Variants in DPYD observed in about 807,000 individuals in gnomAD.
The protein encoded by DPYD is dihydropyrimidine dehydrogenase [NADP(+)].
A neutral mutation model predicts 116.2 loss-of-function variants in DPYD; 109 were observed. The observed-to-expected ratio is 0.94, with a 90% CI of 0.80 to 1.10. The LOEUF (loss-of-function observed/expected upper bound fraction) is 1.10, where lower values mean the gene tolerates loss of function less well. Ranked by LOEUF, DPYD falls within the 50% of genes least tolerant of loss-of-function variation. DPYD has a pLI of 0.00. For missense variants in DPYD, 1,302 were observed against 1,254.5 expected (o/e 1.04, Z -0.57); for synonymous variants, 440 against 432.0 (o/e 1.02, Z -0.23).
intron 18 of DPYD, among the ~76,000 whole-genome samples, chr1:97,264,452 T>C (rs1377506079): frequency 1.3e-5 from 2 of 151,870 alleles, no homozygotes; most frequent in Admixed American, 6.6e-5. Context: ...TCCCAAAGTG[T>C]TGGAATTACA....
At chr1:97,477,803 G>A (rs1678068731) in intron 13 of DPYD, among the ~76,000 whole-genome samples, 1 of 151,638 alleles carries the variant, frequency 6.6e-6, no homozygotes, top group African/African-American at 2.4e-5. Flanking sequence ...TGTATTTTTA[G>A]TAGAGACGGG....
chr1:97,751,320 A>G (rs1000746776), intron 3 of DPYD, among the ~76,000 whole-genome samples: 2 of 148,424 alleles, frequency 1.3e-5, no homozygotes, highest in African/African-American at 2.5e-5. Flanking sequence ...ACATATATAC[A>G]TATATACACA....
At chr1:97,420,705 G>C (rs1412075520) in intron 14 of DPYD, among the ~76,000 whole-genome samples, 1 of 152,118 alleles carries the variant, frequency 6.6e-6, no homozygotes, top group Non-Finnish European at 1.5e-5. Flanking sequence ...AGGCAGTACA[G>C]AGCCATTTGT....
intron 8 of DPYD, among the ~76,000 whole-genome samples, chr1:97,657,764 A>G (rs894530191): frequency 2.6e-5 from 4 of 152,220 alleles, no homozygotes; most frequent in Non-Finnish European, 5.9e-5. Flanking sequence ...TTCAACATCA[A>G]TAACGTGTTC....
intron 21 of DPYD, among the ~76,000 whole-genome samples, chr1:97,096,243 T>C (rs987169114): frequency 2.0e-5 from 3 of 152,190 alleles, no homozygotes; most frequent in Non-Finnish European, 4.4e-5. Flanking sequence ...CACAGATTTT[T>C]TGTTTGCTCT....
At chr1:97,657,112 T>C (rs560285400) in intron 8 of DPYD, among the ~76,000 whole-genome samples, 1 of 151,880 alleles carries the variant, frequency 6.6e-6, no homozygotes, top group South Asian at 2.1e-4. Context: ...GGATTACAGG[T>C]GCAAGCCACT....
At position 97,624,257 on chromosome 1, in the gene DPYD, A is replaced by C. The variant is rs976702054; in HGVS notation, c.851-29091T>G. On this transcript the variant is annotated intron_variant, in intron 8 of 22. Coordinates refer to ENST00000370192, the MANE Select transcript of DPYD (RefSeq NM_000110.4). The stretch of plus-strand genomic sequence containing the variant: ...TAAGGAGTTAATATCCAAAATACTT[A>C]AGAAACTAAACTCAACAGCAGTAAA... 7.2e-5 allele frequency among the ~76,000 whole-genome samples: 11 copies of C among 152,086 alleles called. No individual in the cohort carries two copies. In the East Asian group the frequency reaches 1.9e-3, roughly 27 times the overall value.
chr1:97,542,307 T>A (rs1352174356), intron 12 of DPYD, among the ~76,000 whole-genome samples: 2 of 152,134 alleles, frequency 1.3e-5, no homozygotes, highest in Non-Finnish European at 2.9e-5. Flanking sequence ...AGAGAACATC[T>A]TTATGAAAAT....
At chr1:97,581,224 T>G (rs1252867215) in intron 10 of DPYD, among the ~76,000 whole-genome samples, 4 of 147,140 alleles carry the variant, frequency 2.7e-5, no homozygotes, top group Admixed American at 6.9e-5. Context: ...CTACTCAGGA[T>G]GCTGAGGCAG....
intron 3 of DPYD, among the ~76,000 whole-genome samples, chr1:97,793,774 C>T (rs1667432209): frequency 6.6e-6 from 1 of 152,070 alleles, no homozygotes; most frequent in Admixed American, 6.5e-5. Context: ...TAGAGGAAAA[C>T]ATGGCAGAAA....
chr1:97,301,012 C>T (rs1045386795), intron 18 of DPYD, among the ~76,000 whole-genome samples: 1 of 151,994 alleles, frequency 6.6e-6, no homozygotes, highest in African/African-American at 2.4e-5. Context: ...ACAATGAAAA[C>T]ACCTTTAGGA....
At chr1:97,415,118 A>T (rs933263136) in intron 14 of DPYD, among the ~76,000 whole-genome samples, 1 of 152,022 alleles carries the variant, frequency 6.6e-6, no homozygotes, top group African/African-American at 2.4e-5. Flanking sequence ...ACAAAACCAG[A>T]ACAAAAGCAA....
At chr1:97,703,033 C>G (rs1248859012) in intron 5 of DPYD, among the ~76,000 whole-genome samples, 1 of 151,922 alleles carries the variant, frequency 6.6e-6, no homozygotes, top group African/African-American at 2.4e-5. Flanking sequence ...TGCTCAACCC[C>G]GTGCACTGCA....
intron 13 of DPYD, among the ~76,000 whole-genome samples, chr1:97,471,682 G>A (rs1048106908): frequency 2.6e-5 from 4 of 151,554 alleles, no homozygotes; most frequent in African/African-American, 4.8e-5. Flanking sequence ...TCAGCCTGCC[G>A]GGTCCAAGCG....
intron 8 of DPYD, among the ~76,000 whole-genome samples, chr1:97,668,096 C>A (rs1211955489): frequency 4.6e-4 from 70 of 152,138 alleles, no homozygotes; most frequent in Admixed American, 4.6e-3. Context: ...GATGGTTGCA[C>A]AACGATGTGA....
At chr1:97,088,270 T>C (rs1274526053) in intron 21 of DPYD, among the ~76,000 whole-genome samples, 1 of 152,220 alleles carries the variant, frequency 6.6e-6, no homozygotes, top group Non-Finnish European at 1.5e-5. Context: ...AAGCTCAGAC[T>C]TCCTTTCATT....
At chr1:97,335,011 A>G (rs957533022) in intron 16 of DPYD, among the ~76,000 whole-genome samples, 1 of 152,144 alleles carries the variant, frequency 6.6e-6, no homozygotes, top group African/African-American at 2.4e-5. Context: ...CCCAAAGAGT[A>G]GGTTTTTAAA....
intron 8 of DPYD, among the ~76,000 whole-genome samples, chr1:97,659,804 C>A (rs1659150623): frequency 6.6e-6 from 1 of 152,056 alleles, no homozygotes; most frequent in Non-Finnish European, 1.5e-5. Flanking sequence ...CATACATTTT[C>A]TTGCTTTCTT....
At chr1:97,656,567 G>A (rs1658914298) in intron 8 of DPYD, among the ~76,000 whole-genome samples, 2 of 152,074 alleles carry the variant, frequency 1.3e-5, no homozygotes, top group African/African-American at 4.8e-5. Flanking sequence ...CCAACCTCAT[G>A]TAGCCATCTG....
Sources: gnomAD v4.1 joint callset for allele counts (sites outside exome capture counted in the v4.1 genomes callset) on GRCh38, gnomAD v4.1.1 for gene constraint, MANE v1.5 for transcripts, NCBI Gene and HGNC (gene_info 2026-07-23, HGNC 2026-07-21) for gene names.